The following UBE2Q2 variants were observed in gnomAD, a reference collection of about 807,000 sequenced individuals.
UBE2Q2 encodes the protein ubiquitin-conjugating enzyme E2 Q2.
In UBE2Q2, 54 loss-of-function variants were observed where a neutral mutation model predicts 59.9. The ratio of observed to expected loss-of-function variants is 0.90; its 90% CI spans 0.72 to 1.13. The LOEUF (loss-of-function observed/expected upper bound fraction) is 1.13. Ranked by LOEUF, UBE2Q2 falls within the 50% of genes most tolerant of loss-of-function variation. UBE2Q2 has a pLI of 0.00. For missense variants in UBE2Q2, 433 were observed against 441.9 expected (o/e 0.98, Z 0.18); for synonymous variants, 165 against 155.2 (o/e 1.06, Z -0.47).
Position 75,876,447 on chromosome 15 carries a change from A to C in UBE2Q2, c.673+176A>C, listed in dbSNP as rs531883750. 7.9e-5 allele frequency among the ~76,000 whole-genome samples: 12 copies of C among 151,800 alleles called. No individual in the cohort carries two copies. The South Asian group carries it at 2.5e-3, about 31-fold the overall frequency. On this transcript the variant is annotated intron_variant, in intron 6 of 12. Transcript: ENST00000267938. ...AAAGATGTAGGAGTAAAATAGGATG[A>C]GTTTACTTGTCTTTTGGATTTTTAA...
chr15:75,844,611 A>T, intron 1 of UBE2Q2: 5 of 1,116,486 alleles, frequency 4.5e-6, no homozygotes, highest in Non-Finnish European at 5.0e-6. Flanking sequence ...AGCCGAAAAG[A>T]CACTTTTAAA....
chr15:75,890,742 T>G (rs767651478), intron 10 of UBE2Q2, among the ~76,000 whole-genome samples, 177 bp from the exon 11 acceptor site: 2 of 152,172 alleles, frequency 1.3e-5, no homozygotes, highest in Non-Finnish European at 2.9e-5. Context: ...CTTAGAACAT[T>G]GGTTTGTTGT....
chr15:75,843,829 C>G lies in UBE2Q2; in HGVS notation c.163C>G (p.Leu55Val), dbSNP rs747572225. ...GCACTCGCTGCCGCCGCCACTCACGCTCCACTGCAACATCACGGTGAGGCG... is the reference window on the plus strand; with the variant it reads ...GCACTCGCTGCCGCCGCCACTCACGGTCCACTGCAACATCACGGTGAGGCG... ...SPHSLPPPLT[L>V]HCNITESYPS... The change falls in exon 1 of 13, where the codon CTC becomes GTC. Residue 55 changes from leucine to valine, a missense_variant. Coordinates refer to ENST00000267938, the MANE Select transcript of UBE2Q2 (RefSeq NM_173469.4). 2 of 1,595,564 alleles carry G rather than the reference C, an allele frequency of 1.3e-6. No individual in the cohort carries two copies. The highest frequency in any genetic ancestry group is 8.5e-7 in the Non-Finnish European group (1 of 1,173,006).
chr15:75,853,667 C>T (rs1896755512), intron 1 of UBE2Q2, among the ~76,000 whole-genome samples: 1 of 152,124 alleles, frequency 6.6e-6, no homozygotes. Context: ...AACATTATCT[C>T]ACCATTTCTG....
At chr15:75,852,609 T>C (rs1896686776) in intron 1 of UBE2Q2, among the ~76,000 whole-genome samples, 1 of 152,234 alleles carries the variant, frequency 6.6e-6, no homozygotes, top group Non-Finnish European at 1.5e-5. Flanking sequence ...AATGAGATCC[T>C]AAGTGTAGTT....
chr15:75,893,398 G>A (rs1053585924), intron 11 of UBE2Q2, among the ~76,000 whole-genome samples: 2 of 152,122 alleles, frequency 1.3e-5, no homozygotes, highest in African/African-American at 4.8e-5. Flanking sequence ...GGAGGATATA[G>A]CAATTTTTGT....
rs1256142539 is a variant in UBE2Q2 at position 75,856,269 on chromosome 15, G to GTGTATA, written c.282+1783_282+1784insGTATAT. ...TACGTGTGTGTGTGTGTGTGTGTGT[G>GTGTATA]TATATATATATATATATATATATAA... On this transcript the variant is annotated intron_variant, in intron 2 of 12. Transcript: ENST00000267938. Among the ~76,000 whole-genome samples, 1,020 of 139,248 alleles carry GTGTATA rather than the reference G, an allele frequency of 7.3e-3. 9 individuals are homozygous for GTGTATA. Among genetic ancestry groups the GTGTATA allele is most frequent in the South Asian group, 0.026 (115 of 4,390 alleles). 91.4% of individuals were successfully genotyped at this position (139,248 alleles called of 152,430 possible).
intron 5 of UBE2Q2, among the ~76,000 whole-genome samples, chr15:75,875,694 C>T (rs903994113): frequency 2.0e-5 from 3 of 152,152 alleles, no homozygotes; most frequent in African/African-American, 7.2e-5. Context: ...AGGAAATGAA[C>T]TAGACTTGTG....
At chr15:75,843,939 G>T in intron 1 of UBE2Q2, 93 bp downstream of exon 1, 1 of 1,419,448 alleles carries the variant, frequency 7.0e-7, no homozygotes, top group Non-Finnish European at 9.1e-7. Context: ...CCCCGGAGAG[G>T]CTCCGGCTCC....
At chr15:75,854,162 A>G (rs1896782471) in intron 1 of UBE2Q2, among the ~76,000 whole-genome samples, 1 of 152,182 alleles carries the variant, frequency 6.6e-6, no homozygotes, top group African/African-American at 2.4e-5. Flanking sequence ...ACCAGTGTTG[A>G]AGAAAATCAT....
At chr15:75,844,355 T>C (rs1896204825) in intron 1 of UBE2Q2, 2 of 1,550,488 alleles carry the variant, frequency 1.3e-6, no homozygotes, top group South Asian at 1.2e-5. Context: ...AAACTGACAA[T>C]GAGAATGGAC....
chr15:75,887,295 C>T (rs1048426106), intron 9 of UBE2Q2, among the ~76,000 whole-genome samples: 4 of 152,112 alleles, frequency 2.6e-5, no homozygotes, highest in Non-Finnish European at 5.9e-5. Flanking sequence ...GCAATAGTGA[C>T]CTGAAGACTT....
At chr15:75,883,113 A>G (rs1457961404) in intron 8 of UBE2Q2, among the ~76,000 whole-genome samples, 1 of 152,166 alleles carries the variant, frequency 6.6e-6, no homozygotes, top group Non-Finnish European at 1.5e-5. Flanking sequence ...GTTCCTTTAT[A>G]TAGTTCTAGT....
At chr15:75,851,179 T>C (rs1203555349) in intron 1 of UBE2Q2, among the ~76,000 whole-genome samples, 1 of 151,798 alleles carries the variant, frequency 6.6e-6, no homozygotes, top group Non-Finnish European at 1.5e-5. Flanking sequence ...TTGCCCAGGC[T>C]GGAGTGCAGT....
At chr15:75,884,861 C>T (rs1898667695) in intron 9 of UBE2Q2, among the ~76,000 whole-genome samples, 1 of 152,034 alleles carries the variant, frequency 6.6e-6, no homozygotes, top group African/African-American at 2.4e-5. Context: ...ATTGCTCAGG[C>T]TGGTCTTGAA....
At chr15:75,874,216 C>T (rs1291431938) in intron 5 of UBE2Q2, among the ~76,000 whole-genome samples, 3 of 152,008 alleles carry the variant, frequency 2.0e-5, no homozygotes, top group East Asian at 1.9e-4. Flanking sequence ...CTTTCTCCTT[C>T]GTGAAGCTGA....
chr15:75,854,247 A>G, intron 1 of UBE2Q2, 139 bp from the exon 2 acceptor site: 1 of 557,232 alleles, frequency 1.8e-6, no homozygotes, highest in Non-Finnish European at 3.1e-6. Flanking sequence ...GCTCCTCACA[A>G]GGTTTTTAAT....
chr15:75,862,436 C>A (rs559506876), intron 3 of UBE2Q2, among the ~76,000 whole-genome samples: 47 of 147,926 alleles, frequency 3.2e-4, no homozygotes, highest in African/African-American at 1.1e-3. Flanking sequence ...TTTTTTTAAA[C>A]CTTTCCTCAG....
chr15:75,891,336 G>A (rs1899094468), intron 11 of UBE2Q2, among the ~76,000 whole-genome samples: 1 of 152,038 alleles, frequency 6.6e-6, no homozygotes, highest in Non-Finnish European at 1.5e-5. Flanking sequence ...AGTATGTATA[G>A]TGTAGTAAAT....
Sources: allele counts gnomAD v4.1 joint callset (sites outside exome capture counted in the v4.1 genomes callset), GRCh38; gene constraint gnomAD v4.1.1; transcripts MANE v1.5; gene names NCBI Gene and HGNC (gene_info 2026-07-23, HGNC 2026-07-21).